The following ABCG8 variants were observed in gnomAD, a reference collection of about 807,000 sequenced individuals.
ABCG8 encodes ATP-binding cassette sub-family G member 8.
In ABCG8, 81 loss-of-function variants were observed where a neutral mutation model predicts 71.3. The ratio of observed to expected loss-of-function variants is 1.14; its 90% CI spans 0.95 to 1.37. ABCG8 has a LOEUF of 1.37. Ranked by LOEUF, ABCG8 falls within the 40% of genes most tolerant of loss-of-function variation. The pLI is 0.00. For missense variants in ABCG8, 1,119 were observed against 866.2 expected (o/e 1.29, Z -3.66); for synonymous variants, 451 against 354.7 (o/e 1.27, Z -3.05).
Position 43,846,312 on chromosome 2 carries a change from G to A in ABCG8, c.322+1G>A. ...ATGCTGGCCATCATAGGGAGCTCAG[G>A]TACCGGAAAGGCAAATCGCTGGGCA... On this transcript the variant is annotated splice_donor_variant, in intron 3 of 12. Coordinates refer to ENST00000272286, the MANE Select transcript of ABCG8 (RefSeq NM_022437.3). LOFTEE classifies it high-confidence loss of function. The A allele has an allele frequency of 6.2e-7, 1 of 1,614,158 alleles. No homozygotes were observed. The highest frequency in any genetic ancestry group is 8.5e-7 in the Non-Finnish European group (1 of 1,180,024).
At position 43,877,594 on chromosome 2, in the gene ABCG8, G is replaced by A. The variant is rs759641209; in HGVS notation, c.1790G>A (p.Arg597Gln). Reference sequence around the variant, plus strand: ...TGGATTTCCAAAGTGTCCTTCCTGCGGTGGTGTTTTGAAGGGCTGATGAAG... The same window carrying A: ...TGGATTTCCAAAGTGTCCTTCCTGCAGTGGTGTTTTGAAGGGCTGATGAAG... ...PAWISKVSFL[R>Q]WCFEGLMKIQ... The change falls in exon 12 of 13, where the codon CGG becomes CAG. Residue 597 changes from arginine to glutamine, a missense_variant. Transcript: ENST00000272286. 6 of 1,614,000 alleles carry A rather than the reference G, an allele frequency of 3.7e-6. No individual in the cohort carries two copies. The African/African-American group carries it at 5.3e-5, about 14-fold the overall frequency.
intron 6 of ABCG8, among the ~76,000 whole-genome samples, chr2:43,858,946 A>G (rs1405512233): frequency 6.6e-6 from 1 of 151,450 alleles, no homozygotes; most frequent in Non-Finnish European, 1.5e-5. Context: ...CTATCTGGAT[A>G]GAATTCTTAG....
At chr2:43,860,028 TATC>T (rs1669251417) in intron 6 of ABCG8, among the ~76,000 whole-genome samples, 1 of 151,046 alleles carries the variant, frequency 6.6e-6, no homozygotes, top group African/African-American at 2.4e-5. Context: ...TGGATAGAAT[TATC>T]ATCCTCTGGA....
chr2:43,851,394 A>G (rs977108783), intron 3 of ABCG8, among the ~76,000 whole-genome samples, 190 bp from the exon 4 acceptor site: 4 of 152,240 alleles, frequency 2.6e-5, no homozygotes, highest in Non-Finnish European at 4.4e-5. Context: ...GGCTGCAGAC[A>G]GAAGGCTTGG....
intron 6 of ABCG8, among the ~76,000 whole-genome samples, chr2:43,870,581 A>G (rs1301946694): frequency 6.6e-6 from 1 of 151,618 alleles, no homozygotes; most frequent in Non-Finnish European, 1.5e-5. Flanking sequence ...GTCGTAATAG[A>G]ACTCTCACTA....
In ABCG8 at chr2:43,851,777, G is replaced by C; in HGVS notation, c.516G>C (p.Gln172His). The C allele has an allele frequency of 6.2e-7, 1 of 1,614,234 alleles. No individual in the cohort carries two copies. Among genetic ancestry groups the C allele is most frequent in the Non-Finnish European group, 8.5e-7 (1 of 1,180,042 alleles). ...TVRETLAFIA[Q>H]MRLPRTFSQA... ...GAGAGACCTTGGCCTTCATTGCCCA[G>C]ATGCGGCTGCCCAGAACCTTCTCCC... The change falls in exon 4 of 13, where the codon CAG becomes CAC. Residue 172 changes from glutamine (Q) to histidine (H), a missense_variant. Physicochemically the swap from Gln to His is conservative, Grantham distance 24. Coordinates refer to ENST00000272286, the MANE Select transcript of ABCG8 (RefSeq NM_022437.3).
At chr2:43,845,359 T>G (rs1668712035) in intron 2 of ABCG8, among the ~76,000 whole-genome samples, 1 of 152,040 alleles carries the variant, frequency 6.6e-6, no homozygotes, top group Admixed American at 6.5e-5. Flanking sequence ...CTTTCTCTGC[T>G]CTGCCACTTA....
rs769781582 is a variant in ABCG8, at chr2:43,852,436, G to A, written c.644G>A (p.Gly215Glu). Residue 215 changes from glycine to glutamate, a missense_variant, in exon 5 of 13, where the codon GGG becomes GAG. Coordinates refer to ENST00000272286, the MANE Select transcript of ABCG8 (RefSeq NM_022437.3). ...AACATGTACGTGCGGGGGTTGTCGG[G>A]GGGTGAGCGCAGGAGAGTCAGCATT... ...VGNMYVRGLS[G>E]GERRRVSIGV... is the part of the protein sequence containing the mutation. 2.5e-6 allele frequency: 4 copies of A among 1,612,826 alleles called. No homozygotes were observed. Among genetic ancestry groups the A allele is most frequent in the Non-Finnish European group, 2.5e-6 (3 of 1,180,020 alleles).
chr2:43,846,473 A>G (rs953294514), intron 3 of ABCG8, 162 bp downstream of exon 3: 3 of 1,048,394 alleles, frequency 2.9e-6, no homozygotes, highest in African/African-American at 1.6e-5. Context: ...CTGGGCTCAA[A>G]TCCTGGCTCC....
intron 6 of ABCG8, 121 bp from the exon 7 acceptor site, chr2:43,871,855 G>A: frequency 7.1e-7 from 1 of 1,404,134 alleles, no homozygotes; most frequent in South Asian, 1.2e-5. Flanking sequence ...AGGGTGGGGA[G>A]AATGTCCCAG....
rs539781822 is a variant in ABCG8, at chr2:43,881,097, G to A, written c.*3184G>A. On this transcript the variant is annotated 3_prime_UTR_variant, in exon 13 of 13. Transcript: ENST00000272286. ...CCTTAACTCCCCAGGTAATTCTAAT[G>A]TGCAGTGATTGACAGCCACTAAGAT... 1.3e-5 allele frequency: 2 copies of A among 152,436 alleles called. No homozygotes were observed. The highest frequency in any genetic ancestry group is 4.1e-4 in the South Asian group (2 of 4,834). 9.4% of individuals were successfully genotyped at this position (152,436 alleles called of 1,614,324 possible). A position where few individuals can be genotyped will look rare whatever the true frequency, so the allele number is the denominator to read the frequency against.
intron 1 of ABCG8, among the ~76,000 whole-genome samples, chr2:43,843,140 G>GTCTCCCT (rs1668633314): frequency 1.3e-5 from 2 of 152,188 alleles, no homozygotes; most frequent in African/African-American, 4.8e-5. Context: ...CTCTCTGCCT[G>GTCTCCCT]GTCTGTCTCG....
intron 6 of ABCG8, among the ~76,000 whole-genome samples, chr2:43,869,881 C>T (rs747478526): frequency 6.6e-6 from 1 of 152,020 alleles, no homozygotes; most frequent in Non-Finnish European, 1.5e-5. Flanking sequence ...ACAGAATTCT[C>T]ACTCTCTGGA....
rs3806471 is a variant in ABCG8, at chr2:43,839,035, T to A, written c.-19T>A. ...GGTCTAAGAGAGCTGCAGCCCAGGGTCACAGACCTGTGGGCCCCATGGCCG... is the reference window on the plus strand; with the variant it reads ...GGTCTAAGAGAGCTGCAGCCCAGGGACACAGACCTGTGGGCCCCATGGCCG... On this transcript the variant is annotated 5_prime_UTR_variant, in exon 1 of 13. Transcript: ENST00000272286. 7.7e-6 allele frequency: 12 copies of A among 1,550,232 alleles called. 1 individual carries two copies. In the South Asian group the frequency reaches 1.3e-4, roughly 17 times the overall value.
chr2:43,850,669 T>A (rs2104917739), intron 3 of ABCG8, among the ~76,000 whole-genome samples: 1 of 152,278 alleles, frequency 6.6e-6, no homozygotes, highest in African/African-American at 2.4e-5. Flanking sequence ...CTGATGCACT[T>A]TGGGAGGCCC....
intron 6 of ABCG8, among the ~76,000 whole-genome samples, chr2:43,868,674 G>A (rs1217671974): frequency 6.6e-6 from 1 of 151,872 alleles, no homozygotes; most frequent in Non-Finnish European, 1.5e-5. Flanking sequence ...CTCACTCTCT[G>A]GATACTACTC....
At chr2:43,844,366 G>A (rs964778467) in intron 1 of ABCG8, 141 bp from the exon 2 acceptor site, 26 of 700,950 alleles carry the variant, frequency 3.7e-5, no homozygotes, top group Non-Finnish European at 6.4e-5. Context: ...GGTTCCACCT[G>A]TGCAATCCCA....
intron 3 of ABCG8, among the ~76,000 whole-genome samples, chr2:43,849,502 C>T (rs182399462): frequency 1.2e-4 from 19 of 152,286 alleles, no homozygotes; most frequent in African/African-American, 4.3e-4. Context: ...CACCTCCCAC[C>T]AGATCCCTCC....
rs1572872198 is a variant in ABCG8, at chr2:43,878,332, C to G, written c.*419C>G. On this transcript the variant is annotated 3_prime_UTR_variant, in exon 13 of 13. Transcript: ENST00000272286. The stretch of plus-strand genomic sequence containing the variant: ...GATTTGGCTTCATCTTCCAGGGGCC[C>G]CACACTCCGTGGTGAGCCACCATCA... 1.0e-5 allele frequency: 3 copies of G among 301,380 alleles called. No homozygotes were observed. Among genetic ancestry groups the G allele is most frequent in the East Asian group, 7.9e-5 (1 of 12,586 alleles). 18.7% of individuals were successfully genotyped at this position (301,380 alleles called of 1,614,324 possible).
Sources: gnomAD v4.1 joint callset for allele counts (sites outside exome capture counted in the v4.1 genomes callset) on GRCh38, gnomAD v4.1.1 for gene constraint, MANE v1.5 for transcripts, NCBI Gene and HGNC (gene_info 2026-07-23, HGNC 2026-07-21) for gene names.